FABP6: variants seen among roughly 807,000 people sequenced by gnomAD.
FABP6 encodes the protein gastrotropin.
FABP6 carries 13 observed loss-of-function variants against 14.9 expected under a neutral mutation model. That is an observed-to-expected ratio of 0.87 (90% CI 0.57 to 1.39). The LOEUF is 1.39. Ranked by LOEUF, FABP6 falls within the 40% of genes most tolerant of loss-of-function variation. The pLI is 0.00. For synonymous variants in FABP6, 75 were observed against 63.6 expected (o/e 1.18, Z -0.85); for missense variants, 161 against 167.2 (o/e 0.96, Z 0.20).
rs555235642 is a variant in FABP6 at position 160,232,281 on chromosome 5, G to C, written c.243+8G>C. 1 of 1,590,290 alleles carries C rather than the reference G, an allele frequency of 6.3e-7. No homozygotes were observed. The highest frequency in any genetic ancestry group is 8.6e-7 in the Non-Finnish European group (1 of 1,166,650). On this transcript the variant is annotated splice_region_variant and intron_variant, in intron 2 of 3. Transcript: ENST00000402432. ...GGGGGCAAGACGTTCAAGGTGAGAGGCCACTGGCTGTCCCCCTCCTTCCCC... is the reference window on the plus strand; with the variant it reads ...GGGGGCAAGACGTTCAAGGTGAGAGCCCACTGGCTGTCCCCCTCCTTCCCC...
upstream of FABP6, among the ~76,000 whole-genome samples, chr5:160,225,067 A>G (rs892442311): frequency 6.7e-6 from 1 of 148,370 alleles, no homozygotes; most frequent in African/African-American, 2.5e-5. Flanking sequence ...GGTATGAACT[A>G]CCATGTCTGG....
At chr5:160,211,974 A>ATGCAAGT in intron 2 of FABP6, among the ~76,000 whole-genome samples, 1 of 140,398 alleles carries the variant, frequency 7.1e-6, no homozygotes, top group Admixed American at 7.7e-5. Context: ...GTGCCTTCCT[A>ATGCAAGT]TGCAAGTTCT....
At chr5:160,217,835 G>A (rs560910885) in intron 3 of FABP6, among the ~76,000 whole-genome samples, 2 of 151,640 alleles carry the variant, frequency 1.3e-5, no homozygotes, top group Non-Finnish European at 2.9e-5. Context: ...TAGAGATGGG[G>A]TCTCCCTATG....
intron 2 of FABP6, among the ~76,000 whole-genome samples, chr5:160,211,041 G>T (rs141931036): frequency 6.6e-6 from 1 of 152,128 alleles, no homozygotes; most frequent in Non-Finnish European, 1.5e-5. Context: ...TTGCTTGGAC[G>T]TTGTTAGACA....
chr5:160,204,551 G>A lies in FABP6; in HGVS notation c.51+5394G>A, dbSNP rs111708865. 2.0e-3 allele frequency among the ~76,000 whole-genome samples: 302 copies of A among 151,964 alleles called. 1 individual carries two copies. Among genetic ancestry groups the A allele is most frequent in the Non-Finnish European group, 3.5e-3 (239 of 67,976 alleles). On this transcript the variant is annotated intron_variant, in intron 2 of 6. Transcript: ENST00000393980. ...GTCATCCGGGCTGGAGTGCAGTGGC[G>A]CAATCTTGGCTCACTGCAACCTCTG...
At chr5:160,202,814 A>T (rs542948669) in intron 2 of FABP6, among the ~76,000 whole-genome samples, 103 of 143,246 alleles carry the variant, frequency 7.2e-4, no homozygotes, top group East Asian at 2.4e-3. Flanking sequence ...AAAAAAAAAA[A>T]TTTTAACTGG....
chr5:160,189,194 C>A (rs1759348347), intron 1 of FABP6, among the ~76,000 whole-genome samples: 1 of 152,120 alleles, frequency 6.6e-6, no homozygotes, highest in Admixed American at 6.6e-5. Flanking sequence ...TTGTTTATTG[C>A]AGCTGACATT....
chr5:160,214,147 C>CA (rs1759962134), intron 3 of FABP6, among the ~76,000 whole-genome samples: 14 of 137,638 alleles, frequency 1.0e-4, no homozygotes, highest in African/African-American at 3.9e-4. Flanking sequence ...TTCTTTCTTT[C>CA]TTTCTTTCTT....
chr5:160,232,875 C>A (rs529303009), intron 2 of FABP6, among the ~76,000 whole-genome samples: 2 of 148,696 alleles, frequency 1.3e-5, no homozygotes, highest in Non-Finnish European at 3.0e-5. Flanking sequence ...CCAGCCTGGG[C>A]GACAGAGTGA....
chr5:160,196,376 G>T (rs1330508193), intron 1 of FABP6, among the ~76,000 whole-genome samples: 3 of 152,160 alleles, frequency 2.0e-5, no homozygotes, highest in Non-Finnish European at 4.4e-5. Context: ...ACAACAGGAG[G>T]CCCCAAAAAG....
At chr5:160,192,748 G>C (rs1759422822) in intron 1 of FABP6, among the ~76,000 whole-genome samples, 1 of 152,266 alleles carries the variant, frequency 6.6e-6, no homozygotes, top group Non-Finnish European at 1.5e-5. Flanking sequence ...CATGCGCCCA[G>C]GTTCTACTGA....
At chr5:160,234,634 C>T (rs2113147419) in intron 2 of FABP6, among the ~76,000 whole-genome samples, 186 bp from the exon 3 acceptor site, 1 of 152,176 alleles carries the variant, frequency 6.6e-6, no homozygotes, top group Admixed American at 6.5e-5. Context: ...ACCACGTTGG[C>T]CAGGCTGGTC....
At chr5:160,199,837 G>T (rs550837036) in intron 2 of FABP6, among the ~76,000 whole-genome samples, 93 of 152,298 alleles carry the variant, frequency 6.1e-4, no homozygotes, top group African/African-American at 2.1e-3. Context: ...CCAGAGCAAT[G>T]AAGCCTCCTG....
chr5:160,212,231 T>G (rs1185899883), intron 2 of FABP6, among the ~76,000 whole-genome samples: 4 of 152,138 alleles, frequency 2.6e-5, no homozygotes, highest in Non-Finnish European at 5.9e-5. Flanking sequence ...CTCGGCTCAC[T>G]GCAACCTCTG....
At chr5:160,210,015 A>C (rs1218613502) in intron 2 of FABP6, among the ~76,000 whole-genome samples, 1 of 152,210 alleles carries the variant, frequency 6.6e-6, no homozygotes, top group African/African-American at 2.4e-5. Context: ...TGGTGTCTTC[A>C]GGAGACCCGA....
At chr5:160,189,210 TC>T (rs1186047361) in intron 1 of FABP6, among the ~76,000 whole-genome samples, 1 of 152,152 alleles carries the variant, frequency 6.6e-6, no homozygotes, top group African/African-American at 2.4e-5. Flanking sequence ...ACATTTGGAT[TC>T]TCACAGGTCA....
At chr5:160,207,639 A>G (rs1319170812) in intron 2 of FABP6, among the ~76,000 whole-genome samples, 1 of 152,072 alleles carries the variant, frequency 6.6e-6, no homozygotes, top group Non-Finnish European at 1.5e-5. Context: ...ATATGTGTAT[A>G]TAATAAGGTC....
chr5:160,216,235 A>G (rs1489301037), intron 3 of FABP6, among the ~76,000 whole-genome samples: 1 of 152,138 alleles, frequency 6.6e-6, no homozygotes, highest in Non-Finnish European at 1.5e-5. Flanking sequence ...TGAGTGAATG[A>G]AATGATGAAT....
intron 3 of FABP6, among the ~76,000 whole-genome samples, chr5:160,236,350 T>G (rs1287391758): frequency 6.6e-6 from 1 of 152,124 alleles, no homozygotes; most frequent in African/African-American, 2.4e-5. Flanking sequence ...TAATCCTTCA[T>G]GGGGACTCCA....
Sources: allele counts gnomAD v4.1 joint callset (sites outside exome capture counted in the v4.1 genomes callset), GRCh38; gene constraint gnomAD v4.1.1; transcripts MANE v1.5; gene names NCBI Gene and HGNC (gene_info 2026-07-23, HGNC 2026-07-21).